Variants in PFKFB1 observed in about 807,000 individuals in gnomAD.
PFKFB1 encodes 6-phosphofructo-2-kinase/fructose-2,6-biphosphatase 1, also known as 6-phosphofructo-2-kinase/fructose-2,6-bisphosphatase 1.
A neutral mutation model predicts 46.4 loss-of-function variants in PFKFB1; 34 were observed. The observed-to-expected ratio is 0.73, with a 90% CI of 0.56 to 0.98. PFKFB1 has a LOEUF of 0.98. Ranked by LOEUF, PFKFB1 falls within the 50% of genes least tolerant of loss-of-function variation. The pLI is 0.00. For synonymous variants in PFKFB1, 119 were observed against 133.8 expected, an observed-to-expected ratio of 0.89 and a Z score of 0.76; for missense variants, 393 against 376.3, an observed-to-expected ratio of 1.04 and a Z score of -0.37.
At chrX:54,959,694 G>A in intron 4 of PFKFB1, 133 bp downstream of exon 4, 2 of 466,945 alleles carry the variant, frequency 4.3e-6, no homozygotes, top group Non-Finnish European at 7.6e-6. Context: ...CAAGGGGGGA[G>A]CATAAAATTA....
chrX:54,965,692 G>T (rs1468278433), intron 1 of PFKFB1, among the ~76,000 whole-genome samples: 1 of 110,759 alleles, frequency 9.0e-6, no homozygotes, highest in Non-Finnish European at 1.9e-5. Flanking sequence ...AAATATAACT[G>T]ATCTTTTAAA....
chrX:54,938,584 G>A (rs1414937758), intron 10 of PFKFB1, among the ~76,000 whole-genome samples: 1 of 110,880 alleles, frequency 9.0e-6, no homozygotes, highest in Non-Finnish European at 1.9e-5. Context: ...AAAAAGGCAG[G>A]GGTTGCAATC....
intron 1 of PFKFB1, among the ~76,000 whole-genome samples, chrX:54,991,663 C>T (rs374765787): frequency 1.3e-3 from 147 of 109,681 alleles, no homozygotes; most frequent in Middle Eastern, 9.3e-3. Flanking sequence ...ATAAGAAGGA[C>T]AAGATGAAGG....
intron 1 of PFKFB1, among the ~76,000 whole-genome samples, chrX:54,972,567 A>G (rs1346114722): frequency 9.0e-6 from 1 of 111,452 alleles, no homozygotes; most frequent in East Asian, 2.8e-4. Flanking sequence ...AATTTTGTCA[A>G]AGGCCTTTTC....
In PFKFB1 at chrX:54,933,875, C is replaced by T; in HGVS notation, c.1302G>A (p.Val434=). The change falls in exon 13 of 14, where the codon GTG becomes GTA. Residue 434 remains valine, a synonymous_variant. Coordinates refer to ENST00000375006, the MANE Select transcript of PFKFB1 (RefSeq NM_002625.4). ...CCTCCACATTCAGGTAGATGGATTC[C>T]ACTTTGCAGCCTTAGAAAAGAACAA... ...KLTPVAYGCK[V]ESIYLNVEAV... The T allele has an allele frequency of 1.7e-6, 2 of 1,208,654 alleles. No individual in the cohort carries two copies. The highest frequency in any genetic ancestry group is 2.2e-5 in the Admixed American group (1 of 46,034).
intron 13 of PFKFB1, 75 bp downstream of exon 13, chrX:54,933,746 G>A: frequency 1.1e-6 from 1 of 932,122 alleles, no homozygotes; most frequent in Non-Finnish European, 1.5e-6. Flanking sequence ...GGTTGGGGCA[G>A]CCTTTCTGTG....
upstream of PFKFB1, among the ~76,000 whole-genome samples, chrX:54,998,777 C>G (rs1405187323): frequency 3.6e-5 from 4 of 112,413 alleles, no homozygotes; most frequent in African/African-American, 1.3e-4. Context: ...AGTTTCAGAT[C>G]GATCTTCAGT....
At chrX:54,936,068 C>T (rs1698362375) in intron 11 of PFKFB1, among the ~76,000 whole-genome samples, 2 of 110,985 alleles carry the variant, frequency 1.8e-5, no homozygotes, top group South Asian at 7.7e-4. Context: ...GTGTTTTGCC[C>T]ACTACCTCAT....
At chrX:54,980,327 A>C (rs1934946796) in intron 1 of PFKFB1, among the ~76,000 whole-genome samples, 1 of 111,131 alleles carries the variant, frequency 9.0e-6, no homozygotes, top group Non-Finnish European at 1.9e-5. Flanking sequence ...ATACACACAC[A>C]CACACACACA....
upstream of PFKFB1, chrX:54,994,197 C>T (rs909076897): frequency 1.0e-4 from 108 of 1,054,074 alleles, 1 homozygote; most frequent in South Asian, 1.5e-3. Flanking sequence ...CTGGTCCTAG[C>T]CTGCCTCTGC....
intron 9 of PFKFB1, among the ~76,000 whole-genome samples, chrX:54,948,288 T>C (rs1396332734): frequency 1.8e-5 from 2 of 111,844 alleles, no homozygotes; most frequent in African/African-American, 3.3e-5. Context: ...CTACTCTGGT[T>C]CAACATGCCC....
intron 8 of PFKFB1, among the ~76,000 whole-genome samples, chrX:54,949,926 A>G (rs1223801015): frequency 8.9e-6 from 1 of 112,411 alleles, no homozygotes; most frequent in African/African-American, 3.2e-5. Flanking sequence ...GGTTCCTGGT[A>G]CCCAGGTTCT....
rs200121856 is a variant in PFKFB1 at position 54,963,249 on chromosome X, A to C, written c.223+8T>G. 1.7e-6 allele frequency: 2 copies of C among 1,207,821 alleles called. No homozygotes were observed. Among genetic ancestry groups the C allele is most frequent in the Admixed American group, 4.4e-5 (2 of 45,708 alleles). ...GGGGTTGTTGAACAAAGGCTTTCAG[A>C]GACATACCTTTAGTTGGTGTTCCTA... On this transcript the variant is annotated splice_region_variant and intron_variant, in intron 2 of 13. Coordinates refer to ENST00000375006, the MANE Select transcript of PFKFB1 (RefSeq NM_002625.4).
In PFKFB1 at chrX:54,981,570, T is replaced by A. The variant is rs940940759; in HGVS notation, c.97+12341A>T. Among the ~76,000 whole-genome samples the A allele has an allele frequency of 3.1e-4, 34 of 110,976 alleles. 1 individual carries two copies. The highest frequency in any genetic ancestry group is 4.5e-4 in the Non-Finnish European group (24 of 52,757). On this transcript the variant is annotated intron_variant, in intron 1 of 13. Coordinates refer to ENST00000375006, the MANE Select transcript of PFKFB1 (RefSeq NM_002625.4). ...ATCACCAACAGACCCTCAATAAGGGTTCTATGGAATGTACCTCAGACAGAA... is the reference window on the plus strand; with the variant it reads ...ATCACCAACAGACCCTCAATAAGGGATCTATGGAATGTACCTCAGACAGAA...
intron 8 of PFKFB1, among the ~76,000 whole-genome samples, chrX:54,950,651 G>C (rs2051475662): frequency 8.9e-6 from 1 of 112,475 alleles, no homozygotes; most frequent in African/African-American, 3.2e-5. Context: ...CTCCACCCAA[G>C]AGGGCCCTGG....
intron 1 of PFKFB1, among the ~76,000 whole-genome samples, chrX:54,993,557 C>T (rs746687510): frequency 4.6e-4 from 52 of 111,846 alleles, no homozygotes; most frequent in Non-Finnish European, 8.7e-4. Flanking sequence ...ACAGAAGTCA[C>T]CAAAATGAAA....
intron 1 of PFKFB1, among the ~76,000 whole-genome samples, chrX:54,966,679 C>T (rs745755283): frequency 2.2e-4 from 24 of 111,167 alleles, no homozygotes; most frequent in African/African-American, 6.5e-4. Context: ...CAAGAAGACA[C>T]CTTTATACCA....
chrX:54,991,095 T>C (rs1935227609), intron 1 of PFKFB1, among the ~76,000 whole-genome samples: 1 of 110,597 alleles, frequency 9.0e-6, no homozygotes, highest in African/African-American at 3.3e-5. Flanking sequence ...AGGCGGGAGG[T>C]CTTAGCAGTG....
At chrX:54,950,676 A>G (rs1369146946) in intron 8 of PFKFB1, among the ~76,000 whole-genome samples, 1 of 112,369 alleles carries the variant, frequency 8.9e-6, no homozygotes, top group Non-Finnish European at 1.9e-5. Context: ...AGGGGCTGCC[A>G]TGGGCTGGGG....
Sources: allele counts gnomAD v4.1 joint callset (sites outside exome capture counted in the v4.1 genomes callset), GRCh38; gene constraint gnomAD v4.1.1; transcripts MANE v1.5; gene names NCBI Gene and HGNC (gene_info 2026-07-23, HGNC 2026-07-21).